Variants in TMEM132D observed in about 807,000 individuals in gnomAD.
TMEM132D encodes the protein transmembrane protein 132D, also known as mature OL transmembrane protein.
TMEM132D carries 21 observed loss-of-function variants against 62.3 expected under a neutral mutation model. The observed-to-expected ratio is 0.34, with a 90% CI of 0.24 to 0.49. The LOEUF (loss-of-function observed/expected upper bound fraction) is 0.49. TMEM132D is among the 20% of genes least tolerant of loss of function. TMEM132D has a pLI of 0.99. For missense variants in TMEM132D, 1,346 were observed against 1,402.8 expected, an observed-to-expected ratio of 0.96 and a Z score of 0.65; for synonymous variants, 621 against 575.6, an observed-to-expected ratio of 1.08 and a Z score of -1.13.
chr12:129,448,858 A>C (rs945973184), intron 3 of TMEM132D, among the ~76,000 whole-genome samples: 1 of 152,190 alleles, frequency 6.6e-6, no homozygotes, highest in Non-Finnish European at 1.5e-5. Context: ...CATATTAGTA[A>C]TTTCTACACT....
At chr12:129,588,355 C>A (rs949366370) in intron 2 of TMEM132D, among the ~76,000 whole-genome samples, 1 of 152,188 alleles carries the variant, frequency 6.6e-6, no homozygotes, top group Non-Finnish European at 1.5e-5. Flanking sequence ...AATCACTCAA[C>A]ATGTTTATAA....
chr12:129,385,047 T>C (rs1489555354), intron 3 of TMEM132D, among the ~76,000 whole-genome samples: 1 of 149,550 alleles, frequency 6.7e-6, no homozygotes, highest in African/African-American at 2.5e-5. Context: ...GTTTTGTCCA[T>C]CCTGCCATCC....
chr12:129,271,280 T>C (rs895839985), intron 4 of TMEM132D, among the ~76,000 whole-genome samples: 15 of 149,696 alleles, frequency 1.0e-4, no homozygotes, highest in Non-Finnish European at 1.6e-4. Flanking sequence ...AGTCTCAGCT[T>C]CGTAACACCA....
chr12:129,146,737 T>C (rs1289171953), intron 5 of TMEM132D, among the ~76,000 whole-genome samples: 2 of 152,204 alleles, frequency 1.3e-5, no homozygotes, highest in African/African-American at 4.8e-5. Context: ...CCTCCAGATC[T>C]CAGCCTATGT....
At chr12:129,187,727 C>T (rs1016980368) in intron 5 of TMEM132D, among the ~76,000 whole-genome samples, 2 of 152,166 alleles carry the variant, frequency 1.3e-5, no homozygotes, top group Non-Finnish European at 2.9e-5. Context: ...TGTTCCTTTT[C>T]CTGTGGAGTC....
At chr12:129,682,102 T>C (rs529707035) in intron 2 of TMEM132D, among the ~76,000 whole-genome samples, 17 of 152,302 alleles carry the variant, frequency 1.1e-4, no homozygotes, top group Admixed American at 9.8e-4. Context: ...GTTTCTTCTT[T>C]ATAGTTTAAG....
intron 3 of TMEM132D, among the ~76,000 whole-genome samples, chr12:129,475,531 G>A (rs959342947): frequency 6.6e-6 from 1 of 152,144 alleles, no homozygotes; most frequent in Non-Finnish European, 1.5e-5. Flanking sequence ...TCTGTCCAAG[G>A]CAATATTTCT....
At chr12:129,462,198 A>G (rs1873700227) in intron 3 of TMEM132D, among the ~76,000 whole-genome samples, 4 of 152,140 alleles carry the variant, frequency 2.6e-5, no homozygotes, top group African/African-American at 7.2e-5. Context: ...AAGATTATTA[A>G]AGGCGCTTCT....
At chr12:129,194,816 G>GT (rs1160620605) in intron 5 of TMEM132D, among the ~76,000 whole-genome samples, 13 of 152,068 alleles carry the variant, frequency 8.5e-5, no homozygotes, top group Admixed American at 2.0e-4. Context: ...TTGTTTCTAT[G>GT]TTTTTTTCTA....
intron 3 of TMEM132D, among the ~76,000 whole-genome samples, chr12:129,525,240 T>G (rs1409556811): frequency 0.021 from 2,926 of 140,388 alleles, 242 homozygotes; most frequent in African/African-American, 0.075. Flanking sequence ...TTTTTTTTTT[T>G]TTTTTTTTTT....
intron 1 of TMEM132D, among the ~76,000 whole-genome samples, chr12:129,844,239 A>T (rs553794486): frequency 9.8e-5 from 15 of 152,358 alleles, no homozygotes; most frequent in Non-Finnish European, 1.3e-4. Context: ...AATGACATAC[A>T]ATAACTTATG....
intron 3 of TMEM132D, among the ~76,000 whole-genome samples, chr12:129,483,636 C>T (rs1874492678): frequency 6.6e-6 from 1 of 152,220 alleles, no homozygotes; most frequent in African/African-American, 2.4e-5. Flanking sequence ...TTTGAGTGAA[C>T]ACAAACGCTG....
intron 5 of TMEM132D, among the ~76,000 whole-genome samples, chr12:129,206,941 C>G (rs977350539): frequency 4.6e-5 from 7 of 152,158 alleles, no homozygotes; most frequent in Admixed American, 4.6e-4. Flanking sequence ...ACACTGGGGT[C>G]TATGGAAGGC....
At chr12:129,224,116 G>T (rs1048028447) in intron 4 of TMEM132D, among the ~76,000 whole-genome samples, 2 of 152,162 alleles carry the variant, frequency 1.3e-5, no homozygotes, top group Non-Finnish European at 2.9e-5. Context: ...GAACCACTGC[G>T]GTGGGGCGAA....
At chr12:129,161,031 G>A (rs575547151) in intron 5 of TMEM132D, among the ~76,000 whole-genome samples, 15 of 152,286 alleles carry the variant, frequency 9.8e-5, no homozygotes, top group Admixed American at 5.9e-4. Flanking sequence ...AGCATACTAT[G>A]CGCTAAAAAT....
At chr12:129,471,874 A>G (rs999252840) in intron 3 of TMEM132D, among the ~76,000 whole-genome samples, 32 of 152,374 alleles carry the variant, frequency 2.1e-4, no homozygotes, top group African/African-American at 7.7e-4. Context: ...CATTCCCTTA[A>G]GCCAAAGCCT....
At chr12:129,877,628 C>CACACACAGAG (rs869172595) in intron 1 of TMEM132D, among the ~76,000 whole-genome samples, 2 of 146,962 alleles carry the variant, frequency 1.4e-5, no homozygotes, top group African/African-American at 5.2e-5. Flanking sequence ...CACACACACA[C>CACACACAGAG]AGAGAGAGAG....
intron 3 of TMEM132D, among the ~76,000 whole-genome samples, chr12:129,524,203 C>T (rs1875941671): frequency 6.7e-6 from 1 of 150,322 alleles, no homozygotes; most frequent in Non-Finnish European, 1.5e-5. Flanking sequence ...GCACATTGTG[C>T]ACATGTACCC....
chr12:129,557,290 C>G (rs1877089382), intron 2 of TMEM132D, among the ~76,000 whole-genome samples: 1 of 152,072 alleles, frequency 6.6e-6, no homozygotes, highest in Non-Finnish European at 1.5e-5. Flanking sequence ...TATTTTTTAT[C>G]TGTGCTTATA....
Sources: gnomAD v4.1 joint callset for allele counts (sites outside exome capture counted in the v4.1 genomes callset) on GRCh38, gnomAD v4.1.1 for gene constraint, MANE v1.5 for transcripts, NCBI Gene and HGNC (gene_info 2026-07-23, HGNC 2026-07-21) for gene names.